Variants in SLC25A21 observed in about 807,000 individuals in gnomAD.
SLC25A21 encodes mitochondrial 2-oxodicarboxylate carrier.
Under a neutral mutation model 43.8 loss-of-function variants are expected in SLC25A21, and 47 were observed. That is an observed-to-expected ratio of 1.07 (90% CI 0.85 to 1.37). The LOEUF (loss-of-function observed/expected upper bound fraction) is 1.37. Among genes scored for constraint, SLC25A21 ranks in the 40% most tolerant of loss-of-function variants. The probability of loss-of-function intolerance (pLI) is 0.00; values close to 1 mark genes in which losing one functional copy is unlikely to be tolerated. For synonymous variants in SLC25A21, 131 were observed against 121.3 expected, an observed-to-expected ratio of 1.08 and a Z score of -0.52; for missense variants, 352 against 350.2, an observed-to-expected ratio of 1.00 and a Z score of -0.04.
chr14:37,034,475 T>C (rs1187264420), intron 1 of SLC25A21, among the ~76,000 whole-genome samples: 1 of 152,214 alleles, frequency 6.6e-6, no homozygotes, highest in Non-Finnish European at 1.5e-5. Flanking sequence ...TTTTGTACTT[T>C]GTATTTTACC....
chr14:36,777,759 G>C (rs932017707), intron 3 of SLC25A21, among the ~76,000 whole-genome samples: 2 of 152,166 alleles, frequency 1.3e-5, no homozygotes, highest in African/African-American at 4.8e-5. Flanking sequence ...AACTGTGAGA[G>C]AATGAACTTC....
At chr14:36,841,521 C>G (rs1889383303) in intron 2 of SLC25A21, among the ~76,000 whole-genome samples, 1 of 152,096 alleles carries the variant, frequency 6.6e-6, no homozygotes, top group South Asian at 2.1e-4. Context: ...ACCCATTGAT[C>G]TTCCTTTCAA....
intron 1 of SLC25A21, among the ~76,000 whole-genome samples, chr14:36,980,456 T>A (rs1419435888): frequency 6.6e-6 from 1 of 152,248 alleles, no homozygotes; most frequent in Non-Finnish European, 1.5e-5. Flanking sequence ...TTTTTACTTT[T>A]TTCTCTAAAC....
At chr14:36,836,478 T>G (rs1889213578) in intron 2 of SLC25A21, among the ~76,000 whole-genome samples, 1 of 152,224 alleles carries the variant, frequency 6.6e-6, no homozygotes, top group Non-Finnish European at 1.5e-5. Flanking sequence ...CATGGTGTCT[T>G]TACATTTCAG....
chr14:37,140,159 C>G (rs933810974), intron 1 of SLC25A21, among the ~76,000 whole-genome samples: 6 of 152,280 alleles, frequency 3.9e-5, no homozygotes, highest in African/African-American at 1.4e-4. Context: ...TCTGAACCAC[C>G]TCACTGCATT....
intron 1 of SLC25A21, among the ~76,000 whole-genome samples, chr14:37,156,668 T>C (rs1963856287): frequency 6.7e-6 from 1 of 149,596 alleles, no homozygotes; most frequent in Non-Finnish European, 1.5e-5. Context: ...TCAAGAAGAG[T>C]AAAAGAAAGA....
intron 1 of SLC25A21, among the ~76,000 whole-genome samples, chr14:36,900,961 G>A (rs1334027784): frequency 1.3e-5 from 2 of 152,128 alleles, no homozygotes; most frequent in African/African-American, 2.4e-5. Flanking sequence ...TTGCATAAAA[G>A]TGTATCCCAA....
intron 1 of SLC25A21, among the ~76,000 whole-genome samples, chr14:37,149,780 C>T (rs1428261710): frequency 1.3e-5 from 2 of 152,084 alleles, no homozygotes; most frequent in Non-Finnish European, 1.5e-5. Flanking sequence ...TATTCATCCT[C>T]CTTAGAACTA....
At chr14:36,802,868 A>G (rs550524088) in intron 3 of SLC25A21, among the ~76,000 whole-genome samples, 6 of 152,330 alleles carry the variant, frequency 3.9e-5, no homozygotes, top group African/African-American at 9.6e-5. Context: ...AGAGGCATGT[A>G]ATGATAGTGG....
At chr14:36,920,066 C>T (rs1354350645) in intron 1 of SLC25A21, among the ~76,000 whole-genome samples, 2 of 152,018 alleles carry the variant, frequency 1.3e-5, no homozygotes, top group African/African-American at 4.8e-5. Flanking sequence ...GCTGAAGAAG[C>T]AAGTTTTGAA....
intron 3 of SLC25A21, among the ~76,000 whole-genome samples, chr14:36,763,622 T>C (rs974389806): frequency 7.2e-5 from 11 of 152,140 alleles, no homozygotes; most frequent in African/African-American, 1.2e-4. Flanking sequence ...AGCTTTTTAC[T>C]GTTGTAGAGG....
chr14:36,728,500 C>T (rs1884687840), intron 5 of SLC25A21, among the ~76,000 whole-genome samples: 3 of 152,256 alleles, frequency 2.0e-5, no homozygotes, highest in South Asian at 2.1e-4. Context: ...CAGCTAGTTT[C>T]GAGATTCATG....
Position 37,081,465 on chromosome 14 carries a change from T to G in SLC25A21, c.70+90816A>C, listed in dbSNP as rs1962386457. ...CAGCACTCAATACACTTACAGTGAT[T>G]TGCTTCTTGTTTCTGTCTATCAGAA... On this transcript the variant is annotated intron_variant, in intron 1 of 9. Coordinates refer to ENST00000331299, the MANE Select transcript of SLC25A21 (RefSeq NM_030631.4). 2.0e-5 allele frequency among the ~76,000 whole-genome samples: 3 copies of G among 152,188 alleles called. No individual in the cohort carries two copies. The South Asian group carries it at 6.2e-4, about 32-fold the overall frequency.
intron 1 of SLC25A21, among the ~76,000 whole-genome samples, chr14:36,986,944 G>A (rs1960160321): frequency 6.6e-6 from 1 of 151,976 alleles, no homozygotes; most frequent in Non-Finnish European, 1.5e-5. Context: ...ATGCTTATCT[G>A]TACTGATTTT....
chr14:37,116,575 A>G (rs1963110551), intron 1 of SLC25A21, among the ~76,000 whole-genome samples: 1 of 152,202 alleles, frequency 6.6e-6, no homozygotes, highest in Non-Finnish European at 1.5e-5. Flanking sequence ...GAAAGAATCC[A>G]GCTGAGAAAA....
At chr14:36,966,728 C>T (rs1394011005) in intron 1 of SLC25A21, among the ~76,000 whole-genome samples, 1 of 152,204 alleles carries the variant, frequency 6.6e-6, no homozygotes, top group African/African-American at 2.4e-5. Context: ...CAAATTGTGG[C>T]AGTAGAATTC....
At chr14:36,883,023 C>T (rs1257621870) in intron 1 of SLC25A21, among the ~76,000 whole-genome samples, 1 of 152,082 alleles carries the variant, frequency 6.6e-6, no homozygotes, top group Non-Finnish European at 1.5e-5. Context: ...CTCAGCAGAT[C>T]AATGGTAGCA....
chr14:36,983,085 T>C lies in SLC25A21; in HGVS notation c.71-108081A>G, dbSNP rs187733719. Among the ~76,000 whole-genome samples the C allele has an allele frequency of 2.3e-3, 350 of 152,328 alleles. 2 individuals carry two copies. The highest frequency in any genetic ancestry group is 5.7e-4 in the Non-Finnish European group (39 of 68,032). On this transcript the variant is annotated intron_variant, in intron 1 of 9. Transcript: ENST00000331299. Reference sequence around the variant, plus strand: ...TTTGATATTAACTATCTCTAGACATTAATCCTATAAAGTTTTTAAAAAGAA... The same window carrying C: ...TTTGATATTAACTATCTCTAGACATCAATCCTATAAAGTTTTTAAAAAGAA...
intron 1 of SLC25A21, among the ~76,000 whole-genome samples, chr14:36,959,536 G>A (rs1959434852): frequency 6.6e-6 from 1 of 152,076 alleles, no homozygotes; most frequent in Non-Finnish European, 1.5e-5. Context: ...AGAGAGGGTA[G>A]GCTCTTCACA....
Sources: allele counts gnomAD v4.1 joint callset (sites outside exome capture counted in the v4.1 genomes callset), GRCh38; gene constraint gnomAD v4.1.1; transcripts MANE v1.5; gene names NCBI Gene and HGNC (gene_info 2026-07-23, HGNC 2026-07-21).